The following CEP112 variants were observed in gnomAD, a reference collection of about 807,000 sequenced individuals.
CEP112 encodes centrosomal protein of 112 kDa.
A neutral mutation model predicts 153.0 loss-of-function variants in CEP112; 127 were observed. That is an observed-to-expected ratio of 0.83 (90% CI 0.72 to 0.96). CEP112 has a LOEUF of 0.96. CEP112 is among the 40% of genes least tolerant of loss of function. CEP112 has a pLI of 0.00. For synonymous variants in CEP112, 358 were observed against 374.4 expected (o/e 0.96, Z 0.51); for missense variants, 1,089 against 1,101.2 (o/e 0.99, Z 0.16).
chr17:66,147,000 TTTCAA>T (rs2070946650), intron 4 of CEP112, among the ~76,000 whole-genome samples: 1 of 152,194 alleles, frequency 6.6e-6, no homozygotes, highest in Non-Finnish European at 1.5e-5. Flanking sequence ...AAGACCCTGC[TTTCAA>T]TTCTTTTGGA....
intron 8 of CEP112, among the ~76,000 whole-genome samples, chr17:66,071,418 T>C (rs1014498085): frequency 6.6e-6 from 1 of 152,096 alleles, no homozygotes; most frequent in African/African-American, 2.4e-5. Flanking sequence ...AAAAGGGAAC[T>C]AAAGCCAAAA....
At chr17:66,025,198 G>A (rs2065151734) in intron 16 of CEP112, among the ~76,000 whole-genome samples, 1 of 152,032 alleles carries the variant, frequency 6.6e-6, no homozygotes, top group African/African-American at 2.4e-5. Context: ...AGAAAACCTA[G>A]GGAAAACTCT....
At chr17:66,155,942 G>A (rs879484051) in intron 4 of CEP112, among the ~76,000 whole-genome samples, 32 of 152,286 alleles carry the variant, frequency 2.1e-4, no homozygotes, top group Middle Eastern at 6.8e-3. Context: ...GGGAAGGGGC[G>A]GCTGTGGGCG....
At chr17:65,670,021 T>G (rs1226953698) in intron 24 of CEP112, among the ~76,000 whole-genome samples, 2 of 152,162 alleles carry the variant, frequency 1.3e-5, no homozygotes, top group Admixed American at 1.3e-4. Context: ...AAGACTCTCT[T>G]ATTTATCTTA....
chr17:65,755,306 AGGTAATACACAC>A lies in CEP112; in HGVS notation c.2395-4594_2395-4583del, dbSNP rs566945707. 9.9e-3 allele frequency among the ~76,000 whole-genome samples: 1,509 copies of A among 152,118 alleles called. 26 individuals carry two copies. Among genetic ancestry groups the A allele is most frequent in the African/African-American group, 0.035 (1,452 of 41,486 alleles). On this transcript the variant is annotated intron_variant, in intron 21 of 26. Coordinates refer to ENST00000535342, the MANE Select transcript of CEP112 (RefSeq NM_001199165.4). ...CAGAGCAGGAGAAAGAGAGGTGGAG[AGGTAATACACAC>A]TTTCAAACAACCAGATTGCATGACA...
chr17:65,885,402 T>C (rs2059240714), intron 20 of CEP112, among the ~76,000 whole-genome samples: 1 of 152,198 alleles, frequency 6.6e-6, no homozygotes, highest in African/African-American at 2.4e-5. Context: ...CTTTCATAAA[T>C]GACTTTTTTC....
At chr17:65,814,224 T>C (rs1177731635) in intron 21 of CEP112, among the ~76,000 whole-genome samples, 1 of 152,170 alleles carries the variant, frequency 6.6e-6, no homozygotes, top group Non-Finnish European at 1.5e-5. Context: ...GTGGAATGTG[T>C]GTCTAACATA....
intron 20 of CEP112, among the ~76,000 whole-genome samples, chr17:65,887,523 C>A (rs770759667): frequency 2.6e-5 from 4 of 152,190 alleles, no homozygotes; most frequent in Non-Finnish European, 4.4e-5. Flanking sequence ...TCTTATATGA[C>A]CATGACTGGT....
intron 23 of CEP112, among the ~76,000 whole-genome samples, chr17:65,691,222 C>T (rs893859967): frequency 4.6e-5 from 7 of 152,134 alleles, no homozygotes; most frequent in Non-Finnish European, 8.8e-5. Flanking sequence ...ATGCCTATTA[C>T]ACATCCAGGT....
chr17:65,955,270 T>C (rs1436087967), intron 18 of CEP112, among the ~76,000 whole-genome samples: 1 of 152,004 alleles, frequency 6.6e-6, no homozygotes, highest in African/African-American at 2.4e-5. Flanking sequence ...AAGTAAGCTT[T>C]ATAAATGAAG....
intron 18 of CEP112, among the ~76,000 whole-genome samples, chr17:65,938,993 G>T (rs2061432729): frequency 6.6e-6 from 1 of 151,934 alleles, no homozygotes; most frequent in Non-Finnish European, 1.5e-5. Context: ...TGTATTTTTT[G>T]TAGAGATGGG....
At chr17:65,684,865 G>C (rs1352088841) in intron 24 of CEP112, among the ~76,000 whole-genome samples, 3 of 152,140 alleles carry the variant, frequency 2.0e-5, no homozygotes, top group African/African-American at 7.2e-5. Flanking sequence ...GAAAAAGTCT[G>C]ACTCAAGCTC....
intron 24 of CEP112, among the ~76,000 whole-genome samples, chr17:65,655,749 A>G (rs1227032922): frequency 1.3e-5 from 2 of 152,226 alleles, no homozygotes; most frequent in Non-Finnish European, 2.9e-5. Context: ...CTGAATAAAA[A>G]TACTGGTAAC....
In CEP112 at chr17:66,144,778, T is replaced by A. The variant is rs575099582; in HGVS notation, c.471-12015A>T. On this transcript the variant is annotated intron_variant, in intron 4 of 26. Transcript: ENST00000535342. ...CATAATTTGCTTTTCTATTCATGTG[T>A]TTATGGACATTTAGATTGTTTACCC... is the stretch of plus-strand genomic sequence containing the variant. 6.6e-5 allele frequency among the ~76,000 whole-genome samples: 10 copies of A among 152,336 alleles called. No individual in the cohort carries two copies. The East Asian group carries it at 1.3e-3, about 21-fold the overall frequency.
intron 20 of CEP112, among the ~76,000 whole-genome samples, chr17:65,901,091 A>T (rs2059830619): frequency 6.6e-6 from 1 of 152,210 alleles, no homozygotes; most frequent in Admixed American, 6.5e-5. Flanking sequence ...CAAAAAAATT[A>T]ACATCTTACT....
At chr17:65,852,685 C>T (rs1252155419) in intron 20 of CEP112, among the ~76,000 whole-genome samples, 1 of 151,576 alleles carries the variant, frequency 6.6e-6, no homozygotes, top group Non-Finnish European at 1.5e-5. Context: ...CTTGCTGTTT[C>T]AAATATTCAA....
chr17:65,976,661 A>T (rs895332561), intron 17 of CEP112, among the ~76,000 whole-genome samples: 5 of 152,038 alleles, frequency 3.3e-5, no homozygotes, highest in African/African-American at 7.2e-5. Context: ...AGATCTTTTT[A>T]AAAAAATACA....
rs145731209 is a variant in CEP112 at position 66,034,731 on chromosome 17, T to C, written c.1219-4708A>G. On this transcript the variant is annotated intron_variant, in intron 12 of 26. Coordinates refer to ENST00000535342, the MANE Select transcript of CEP112 (RefSeq NM_001199165.4). ...AAAAATGATAGACATTGAAGCAATA[T>C]TGTGACCTCAGCTATCTGTATATCA... Among the ~76,000 whole-genome samples the C allele has an allele frequency of 2.6e-5, 4 of 152,088 alleles. No individual in the cohort carries two copies. The East Asian group carries it at 7.7e-4, about 29-fold the overall frequency.
Position 66,129,776 on chromosome 17 carries a change from A to T in CEP112, c.612T>A (p.Ile204=). 1.9e-6 allele frequency: 3 copies of T among 1,612,752 alleles called. No individual in the cohort carries two copies. The highest frequency in any genetic ancestry group is 2.5e-6 in the Non-Finnish European group (3 of 1,179,326). ...GATTCCAACTATTAAGGCGAGCTTC[A>T]ATGTCACTATCATCCAAAGAAACAG... is the stretch of plus-strand genomic sequence containing the variant. ...KSPVSLDDSD[I]EARLNSWNLG... is the part of the protein sequence containing the mutation. Residue 204 remains isoleucine, a synonymous_variant, in exon 6 of 27, where the codon ATT becomes ATA. Transcript: ENST00000535342.
Sources: allele counts gnomAD v4.1 joint callset (sites outside exome capture counted in the v4.1 genomes callset), GRCh38; gene constraint gnomAD v4.1.1; transcripts MANE v1.5; gene names NCBI Gene and HGNC (gene_info 2026-07-23, HGNC 2026-07-21).